Variants in DLGAP1 observed in about 807,000 individuals in gnomAD.
The protein encoded by DLGAP1 is disks large-associated protein 1.
A neutral mutation model predicts 90.8 loss-of-function variants in DLGAP1; 11 were observed. The ratio of observed to expected loss-of-function variants is 0.12; its 90% confidence interval spans 0.08 to 0.20. The LOEUF (loss-of-function observed/expected upper bound fraction) is 0.20. DLGAP1 is among the 10% of genes least tolerant of loss of function. The probability of loss-of-function intolerance (pLI) is 1.00; values close to 1 mark genes in which losing one functional copy is unlikely to be tolerated. For synonymous variants in DLGAP1, 558 were observed against 540.7 expected (o/e 1.03, Z -0.44); for missense variants, 1,050 against 1,333.8 (o/e 0.79, Z 3.31).
At chr18:4,247,610 T>C (rs760371579) in intron 1 of DLGAP1, among the ~76,000 whole-genome samples, 4 of 152,048 alleles carry the variant, frequency 2.6e-5, no homozygotes, top group Non-Finnish European at 4.4e-5. Context: ...ACCCCGTCTC[T>C]ACTAAAAATA....
rs1275419466 is a variant in DLGAP1 at position 4,378,659 on chromosome 18, C to T, written c.-267+76347G>A. 2.0e-5 allele frequency among the ~76,000 whole-genome samples: 3 copies of T among 152,108 alleles called. No homozygotes were observed. The East Asian group carries it at 5.8e-4, about 29-fold the overall frequency. On this transcript the variant is annotated intron_variant, in intron 1 of 12. Transcript: ENST00000315677. This position sits in a 1 kb window ranked among gnomAD's most constrained non-coding sequence, Gnocchi z 4.5. ...TGAAAGCACCTAAGGTGCTCCGTAC[C>T]TAATATGTACTCCATCAGGGTAGGT...
At chr18:4,061,061 G>A (rs1347837744) in intron 2 of DLGAP1, among the ~76,000 whole-genome samples, 1 of 152,186 alleles carries the variant, frequency 6.6e-6, no homozygotes, top group Admixed American at 6.5e-5. Context: ...GCTGGACAGA[G>A]TCAGACCTTA....
In DLGAP1 at chr18:3,877,853, T is replaced by C. The variant is rs542351004; in HGVS notation, c.957+1259A>G. Among the ~76,000 whole-genome samples the C allele has an allele frequency of 4.6e-5, 7 of 152,330 alleles. No individual in the cohort carries two copies. In the South Asian group the frequency reaches 1.2e-3, roughly 27 times the overall value. On this transcript the variant is annotated intron_variant, in intron 4 of 12. Coordinates refer to ENST00000315677, the MANE Select transcript of DLGAP1 (RefSeq NM_004746.4). Reference sequence around the variant, plus strand: ...AACATGTAGCAACCTTACAGGAAATTAGGCAACACCAGCTTCAGTGGGAAG... The same window carrying C: ...AACATGTAGCAACCTTACAGGAAATCAGGCAACACCAGCTTCAGTGGGAAG...
chr18:3,562,087 C>T (rs1303293665), intron 9 of DLGAP1, among the ~76,000 whole-genome samples: 2 of 151,846 alleles, frequency 1.3e-5, no homozygotes, highest in South Asian at 2.1e-4. Context: ...ATTAGCAAGG[C>T]GTGGTGGCGG....
At chr18:3,738,262 TG>T (rs1194171199) in intron 6 of DLGAP1, among the ~76,000 whole-genome samples, 3 of 147,098 alleles carry the variant, frequency 2.0e-5, no homozygotes, top group Non-Finnish European at 3.0e-5. Context: ...TTCACAGAAT[TG>T]GAAAAAACTA....
chr18:3,785,583 A>G (rs2065410529), intron 5 of DLGAP1, among the ~76,000 whole-genome samples: 1 of 152,144 alleles, frequency 6.6e-6, no homozygotes, highest in Non-Finnish European at 1.5e-5. Flanking sequence ...ATTAGGGAGA[A>G]TGAATGGGCC....
intron 7 of DLGAP1, among the ~76,000 whole-genome samples, chr18:3,620,609 G>A (rs1168229048): frequency 6.6e-6 from 1 of 152,060 alleles, no homozygotes; most frequent in East Asian, 1.9e-4. Context: ...TCAGGCTGGA[G>A]TGCAATGGCA....
At chr18:4,140,479 GTCTATA>G (rs2076477506) in intron 2 of DLGAP1, among the ~76,000 whole-genome samples, 1 of 151,820 alleles carries the variant, frequency 6.6e-6, no homozygotes, top group African/African-American at 2.4e-5. Flanking sequence ...TTATTCTACT[GTCTATA>G]TCTTGAAAAG....
chr18:4,145,733 T>C (rs955064160), intron 2 of DLGAP1, among the ~76,000 whole-genome samples: 2 of 152,160 alleles, frequency 1.3e-5, no homozygotes, highest in Admixed American at 6.5e-5. Flanking sequence ...AAGAAAAAAA[T>C]GAATAATTTT....
intron 12 of DLGAP1, among the ~76,000 whole-genome samples, chr18:3,501,103 C>T (rs995631988): frequency 1.4e-4 from 21 of 151,856 alleles, no homozygotes; most frequent in African/African-American, 3.9e-4. Flanking sequence ...TTTGTAGAGA[C>T]GGCGTTTCAC....
chr18:4,436,077 A>T (rs914497487), intron 1 of DLGAP1, among the ~76,000 whole-genome samples: 3 of 152,204 alleles, frequency 2.0e-5, no homozygotes. Context: ...AGCTCAGAGA[A>T]ACAGTTTCAA....
chr18:4,365,922 GT>G (rs2081753615), intron 1 of DLGAP1, among the ~76,000 whole-genome samples: 1 of 152,074 alleles, frequency 6.6e-6, no homozygotes, highest in Non-Finnish European at 1.5e-5. Flanking sequence ...TTACTCATAA[GT>G]TTTTTAAATG....
intron 9 of DLGAP1, among the ~76,000 whole-genome samples, chr18:3,547,144 A>C (rs980908620): frequency 6.6e-5 from 10 of 151,948 alleles, no homozygotes; most frequent in Non-Finnish European, 1.3e-4. Flanking sequence ...TACTAAAAAT[A>C]CAAAAAATTA....
chr18:3,874,434 C>A, intron 4 of DLGAP1: 2 of 1,436,894 alleles, frequency 1.4e-6, no homozygotes, highest in Non-Finnish European at 1.8e-6. Context: ...AATCTAAAAT[C>A]TTGCTCTTCT....
intron 3 of DLGAP1, among the ~76,000 whole-genome samples, chr18:3,929,054 G>A (rs929428561): frequency 5.9e-5 from 9 of 152,044 alleles, no homozygotes; most frequent in African/African-American, 1.2e-4. Context: ...CTTCCCCTCC[G>A]CCTTCTACTA....
intron 2 of DLGAP1, among the ~76,000 whole-genome samples, chr18:4,008,224 T>TACACACAC (rs759118888): frequency 6.9e-6 from 1 of 145,472 alleles, no homozygotes; most frequent in African/African-American, 2.5e-5. Context: ...AATATATATA[T>TACACACAC]ATACACACAC....
At chr18:4,322,728 G>A (rs1412680969) in intron 1 of DLGAP1, among the ~76,000 whole-genome samples, 2 of 152,184 alleles carry the variant, frequency 1.3e-5, no homozygotes, top group East Asian at 1.9e-4. Context: ...TTGGGAGGCC[G>A]AGGCAGGTGG....
chr18:4,336,117 G>A (rs536300392), intron 1 of DLGAP1, among the ~76,000 whole-genome samples: 3 of 152,136 alleles, frequency 2.0e-5, no homozygotes, highest in Non-Finnish European at 2.9e-5. Context: ...TACAGTGCAC[G>A]TGCCGACAAT....
intron 1 of DLGAP1, among the ~76,000 whole-genome samples, chr18:4,187,634 T>C (rs2077321068): frequency 6.6e-6 from 1 of 152,186 alleles, no homozygotes. Context: ...ATCTGGGCTA[T>C]TTCTATGCAA....
Sources: gnomAD v4.1 joint callset for allele counts (sites outside exome capture counted in the v4.1 genomes callset) on GRCh38, gnomAD v4.1.1 for gene constraint, Gnocchi (gnomAD v3.1) non-coding constraint, MANE v1.5 for transcripts, NCBI Gene and HGNC (gene_info 2026-07-23, HGNC 2026-07-21) for gene names.